MLLT10: variants seen among roughly 807,000 people sequenced by gnomAD.
The protein encoded by MLLT10 is MLLT10 histone lysine methyltransferase DOT1L cofactor, also known as protein AF-10.
In MLLT10, 30 loss-of-function variants were observed where a neutral mutation model predicts 129.1. The ratio of observed to expected loss-of-function variants is 0.23; its 90% CI spans 0.17 to 0.32. The LOEUF (loss-of-function observed/expected upper bound fraction) is 0.32. Ranked by LOEUF, MLLT10 falls within the 10% of genes least tolerant of loss-of-function variation. The pLI, the probability that MLLT10 is intolerant of heterozygous loss-of-function variation, is 1.00. For missense variants in MLLT10, 1,119 were observed against 1,268.3 expected (o/e 0.88, Z 1.79); for synonymous variants, 490 against 446.4 (o/e 1.10, Z -1.23).
chr10:21,606,703 A>G (rs1417836221), intron 5 of MLLT10, among the ~76,000 whole-genome samples: 1 of 152,210 alleles, frequency 6.6e-6, no homozygotes, highest in Non-Finnish European at 1.5e-5. Context: ...GTCAAACTTG[A>G]ATGTATATCT....
intron 3 of MLLT10, among the ~76,000 whole-genome samples, chr10:21,566,415 G>A: frequency 6.7e-6 from 1 of 148,354 alleles, no homozygotes; most frequent in Non-Finnish European, 1.5e-5. Flanking sequence ...TGCAACCTCT[G>A]CCTCCCGGGT....
At chr10:21,711,837 G>A (rs746062023) in intron 13 of MLLT10, among the ~76,000 whole-genome samples, 1 of 152,188 alleles carries the variant, frequency 6.6e-6, no homozygotes, top group Non-Finnish European at 1.5e-5. Context: ...TCTCACTCCA[G>A]GTCTGAATTA....
chr10:21,614,060 A>T (rs993595334), intron 6 of MLLT10, among the ~76,000 whole-genome samples: 1 of 151,934 alleles, frequency 6.6e-6, no homozygotes, highest in East Asian at 1.9e-4. Flanking sequence ...ACTAAAAATA[A>T]AAACAAAATT....
chr10:21,635,925 C>CTTTT (rs530505484), intron 8 of MLLT10, among the ~76,000 whole-genome samples: 2 of 111,514 alleles, frequency 1.8e-5, no homozygotes, highest in African/African-American at 3.5e-5. Context: ...TGCACCTGGC[C>CTTTT]TTTTTTTTTT....
chr10:21,600,110 A>C (rs980431722), intron 5 of MLLT10, among the ~76,000 whole-genome samples: 1 of 152,174 alleles, frequency 6.6e-6, no homozygotes, highest in Non-Finnish European at 1.5e-5. Flanking sequence ...AAATTATTGA[A>C]TACTTGAGTT....
In MLLT10 at chr10:21,547,036, A is replaced by G. The variant is rs189731861; in HGVS notation, c.240+8124A>G. Among the ~76,000 whole-genome samples the G allele has an allele frequency of 5.1e-4, 77 of 151,812 alleles. 1 individual carries two copies. The highest frequency in any genetic ancestry group is 4.7e-3 in the Admixed American group (71 of 15,240). On this transcript the variant is annotated intron_variant, in intron 3 of 22. Coordinates refer to ENST00000307729, the MANE Select transcript of MLLT10 (RefSeq NM_001195626.3). ...CCATGCCCGGCCCTAATCCTGGCTAATTTTTGTATTTTTAGTAGAAATGGG... is the reference window on the plus strand; with the variant it reads ...CCATGCCCGGCCCTAATCCTGGCTAGTTTTTGTATTTTTAGTAGAAATGGG...
At chr10:21,560,119 C>A (rs1174279534) in intron 3 of MLLT10, among the ~76,000 whole-genome samples, 1 of 152,184 alleles carries the variant, frequency 6.6e-6, no homozygotes, top group Non-Finnish European at 1.5e-5. Context: ...GATTCTCCTG[C>A]CTCAGTCTCC....
At chr10:21,681,188 T>A in intron 11 of MLLT10, 144 bp from the exon 12 acceptor site, 1 of 897,212 alleles carries the variant, frequency 1.1e-6, no homozygotes, top group Non-Finnish European at 1.8e-6. Context: ...TATTAGCTTA[T>A]AATTTTTGTT....
chr10:21,683,171 G>A (rs1472435161), intron 13 of MLLT10, among the ~76,000 whole-genome samples: 2 of 152,132 alleles, frequency 1.3e-5, no homozygotes, highest in Non-Finnish European at 2.9e-5. Context: ...GGCATAATGA[G>A]CAGGCATAGA....
intron 3 of MLLT10, among the ~76,000 whole-genome samples, chr10:21,580,960 C>T (rs563602256): frequency 1.1e-3 from 166 of 148,430 alleles, no homozygotes; most frequent in Non-Finnish European, 1.7e-3. Context: ...GATCTGCCTG[C>T]ATTGGCTTCC....
chr10:21,548,532 G>A (rs1354892735), intron 3 of MLLT10, among the ~76,000 whole-genome samples: 1 of 151,994 alleles, frequency 6.6e-6, no homozygotes, highest in African/African-American at 2.4e-5. Flanking sequence ...GCTACGCCCG[G>A]CTAATTTTGT....
chr10:21,580,758 A>G (rs977911705), intron 3 of MLLT10, among the ~76,000 whole-genome samples: 1 of 150,322 alleles, frequency 6.7e-6, no homozygotes, highest in Non-Finnish European at 1.5e-5. Flanking sequence ...CTGGAATGCA[A>G]TGGCGCGATC....
chr10:21,736,585 T>C (rs536323787), intron 21 of MLLT10, among the ~76,000 whole-genome samples: 2 of 152,326 alleles, frequency 1.3e-5, no homozygotes, highest in African/African-American at 4.8e-5. Context: ...CCAGCCAAGA[T>C]GTTTTGAAGA....
Position 21,535,299 on chromosome 10 carries a change from G to A in MLLT10, c.160+495G>A, listed in dbSNP as rs1276610211. Among the ~76,000 whole-genome samples, 5 of 152,230 alleles carry A rather than the reference G, an allele frequency of 3.3e-5. No homozygotes were observed. The East Asian group carries it at 7.7e-4, about 24-fold the overall frequency. On this transcript the variant is annotated intron_variant, in intron 2 of 22. Coordinates refer to ENST00000307729, the MANE Select transcript of MLLT10 (RefSeq NM_001195626.3). Reference sequence around the variant, plus strand: ...GGGCTCGGGAACGCGGCGCCAGTGTGGGGAGGCTGGGGGTCGCCTTGCCTC... The same window carrying A: ...GGGCTCGGGAACGCGGCGCCAGTGTAGGGAGGCTGGGGGTCGCCTTGCCTC...
At chr10:21,734,978 CAT>C (rs1434842793) in intron 20 of MLLT10, among the ~76,000 whole-genome samples, 159 bp from the exon 21 acceptor site, 1 of 151,970 alleles carries the variant, frequency 6.6e-6, no homozygotes, top group African/African-American at 2.4e-5. Flanking sequence ...TATAAACATA[CAT>C]ATATATAGAA....
intron 9 of MLLT10, among the ~76,000 whole-genome samples, chr10:21,653,489 AT>A (rs1164391508): frequency 5.9e-5 from 9 of 151,406 alleles, no homozygotes; most frequent in Admixed American, 2.0e-4. Flanking sequence ...TACACTTGGA[AT>A]TTTTTTTTGC....
At chr10:21,584,318 C>A (rs1267682780) in intron 3 of MLLT10, among the ~76,000 whole-genome samples, 1 of 151,954 alleles carries the variant, frequency 6.6e-6, no homozygotes, top group East Asian at 1.9e-4. Context: ...CACGCACCAC[C>A]ACATCCCGCT....
chr10:21,679,998 C>G (rs887712280), intron 11 of MLLT10, among the ~76,000 whole-genome samples: 1 of 152,078 alleles, frequency 6.6e-6, no homozygotes, highest in Non-Finnish European at 1.5e-5. Context: ...AAACCCAGGT[C>G]CTTTGAGTCA....
intron 3 of MLLT10, among the ~76,000 whole-genome samples, chr10:21,549,007 T>C (rs2036543006): frequency 6.6e-6 from 1 of 152,192 alleles, no homozygotes; most frequent in Non-Finnish European, 1.5e-5. Context: ...TTCCTGTTCC[T>C]CTACCATGAG....
Sources: allele counts gnomAD v4.1 joint callset (sites outside exome capture counted in the v4.1 genomes callset), GRCh38; gene constraint gnomAD v4.1.1; transcripts MANE v1.5; gene names NCBI Gene and HGNC (gene_info 2026-07-23, HGNC 2026-07-21).